ATF6: variants seen among roughly 807,000 people sequenced by gnomAD.
ATF6 encodes cyclic AMP-dependent transcription factor ATF-6 alpha.
Under a neutral mutation model 83.6 loss-of-function variants are expected in ATF6, and 53 were observed. The ratio of observed to expected loss-of-function variants is 0.63; its 90% CI spans 0.51 to 0.80. ATF6 has a LOEUF of 0.80. Ranked by LOEUF, ATF6 falls within the 30% of genes least tolerant of loss-of-function variation. The probability of loss-of-function intolerance (pLI) is 0.00; values close to 1 mark genes in which losing one functional copy is unlikely to be tolerated. For missense variants in ATF6, 744 were observed against 797.9 expected (o/e 0.93, Z 0.81); for synonymous variants, 288 against 285.8 (o/e 1.01, Z -0.08).
chr1:161,908,160 TA>T (rs774670757), intron 14 of ATF6, among the ~76,000 whole-genome samples: 3 of 152,146 alleles, frequency 2.0e-5, no homozygotes, highest in Non-Finnish European at 4.4e-5. Context: ...GTGAGTTTTA[TA>T]GGGGGAATGG....
At chr1:161,812,309 GT>G (rs1470672687) in intron 7 of ATF6, among the ~76,000 whole-genome samples, 2 of 146,922 alleles carry the variant, frequency 1.4e-5, no homozygotes, top group African/African-American at 5.0e-5. Context: ...GTGTGTGTGT[GT>G]GTGTTTTAAT....
At chr1:161,817,404 A>T (rs907231279) in intron 7 of ATF6, among the ~76,000 whole-genome samples, 33 of 152,342 alleles carry the variant, frequency 2.2e-4, no homozygotes, top group African/African-American at 7.5e-4. Flanking sequence ...AACATGAAGA[A>T]CACTAAAAAT....
At chr1:161,927,257 AG>A (rs1323658010) in intron 15 of ATF6, among the ~76,000 whole-genome samples, 1 of 152,200 alleles carries the variant, frequency 6.6e-6, no homozygotes, top group Non-Finnish European at 1.5e-5. Context: ...TCAGACCTTT[AG>A]GTCTGTAGGC....
At chr1:161,847,474 G>T (rs141328235) in intron 10 of ATF6, among the ~76,000 whole-genome samples, 1 of 152,236 alleles carries the variant, frequency 6.6e-6, no homozygotes, top group East Asian at 1.9e-4. Flanking sequence ...AGTACAGTAT[G>T]CCAAGTCAGT....
chr1:161,785,066 A>G (rs980056067), intron 4 of ATF6, among the ~76,000 whole-genome samples: 2 of 152,156 alleles, frequency 1.3e-5, no homozygotes, highest in East Asian at 1.9e-4. Context: ...TTTTCTTGCT[A>G]TCCCCTCCTA....
chr1:161,771,214 C>T (rs939985128), intron 1 of ATF6, among the ~76,000 whole-genome samples: 2 of 151,700 alleles, frequency 1.3e-5, no homozygotes, highest in Non-Finnish European at 2.9e-5. Context: ...TTCCCTCCTC[C>T]TCCTCCTTTC....
At chr1:161,944,552 A>G (rs1277920489) in intron 15 of ATF6, among the ~76,000 whole-genome samples, 1 of 152,118 alleles carries the variant, frequency 6.6e-6, no homozygotes, top group Non-Finnish European at 1.5e-5. Flanking sequence ...CTCTCCTTTT[A>G]TCATCATTAC....
At chr1:161,795,944 C>T (rs1047323276) in intron 6 of ATF6, among the ~76,000 whole-genome samples, 2 of 152,018 alleles carry the variant, frequency 1.3e-5, no homozygotes, top group African/African-American at 4.8e-5. Context: ...TTAGAGTATC[C>T]CTGATTTAGC....
At chr1:161,818,117 A>G (rs931346011) in intron 7 of ATF6, among the ~76,000 whole-genome samples, 18 of 151,346 alleles carry the variant, frequency 1.2e-4, no homozygotes, top group African/African-American at 2.9e-4. Context: ...AAAAAAAAAA[A>G]GGAAATAGAT....
chr1:161,925,642 G>C (rs942858878), intron 15 of ATF6, among the ~76,000 whole-genome samples: 7 of 152,076 alleles, frequency 4.6e-5, no homozygotes, highest in Admixed American at 3.9e-4. Context: ...TTAAGGTTAG[G>C]ACCTTATTTA....
chr1:161,819,089 T>C (rs575971921), intron 7 of ATF6, among the ~76,000 whole-genome samples: 2 of 152,158 alleles, frequency 1.3e-5, no homozygotes, highest in Admixed American at 1.3e-4. Context: ...ACATATTCAA[T>C]GAGTGAATGA....
At chr1:161,951,783 CT>C (rs1688868727) in intron 15 of ATF6, among the ~76,000 whole-genome samples, 1 of 152,146 alleles carries the variant, frequency 6.6e-6, no homozygotes, top group South Asian at 2.1e-4. Context: ...CTTGAGTAAG[CT>C]GCACAAGGGA....
At chr1:161,912,421 T>C (rs749010430) in intron 15 of ATF6, 41 bp downstream of exon 15, 3 of 1,403,278 alleles carry the variant, frequency 2.1e-6, no homozygotes, top group South Asian at 1.3e-5. Flanking sequence ...TGAGATTTCT[T>C]TGTTTAACCA....
chr1:161,857,804 TAAG>T (rs140091486), intron 12 of ATF6, among the ~76,000 whole-genome samples: 21,477 of 151,780 alleles, frequency 0.14, 2,053 homozygotes, highest in East Asian at 0.31. Context: ...TATAAGACAA[TAAG>T]AACACAAGGG....
At chr1:161,886,740 C>T (rs970116149) in intron 14 of ATF6, among the ~76,000 whole-genome samples, 4 of 152,172 alleles carry the variant, frequency 2.6e-5, no homozygotes, top group African/African-American at 7.2e-5. Context: ...TTTACAACTA[C>T]AAAGTGAAGC....
intron 15 of ATF6, among the ~76,000 whole-genome samples, chr1:161,946,434 C>T (rs1404692825): frequency 2.0e-5 from 3 of 152,162 alleles, no homozygotes; most frequent in African/African-American, 7.2e-5. Flanking sequence ...GTATCAGTGC[C>T]ACCTATTAGG....
intron 1 of ATF6, among the ~76,000 whole-genome samples, chr1:161,772,501 A>T (rs1358451602): frequency 6.6e-6 from 1 of 152,036 alleles, no homozygotes; most frequent in East Asian, 1.9e-4. Context: ...CCACTACCTC[A>T]TTTACCCACC....
At chr1:161,846,389 A>G (rs1385174798) in intron 9 of ATF6, 60 bp from the exon 10 acceptor site, 16 of 1,522,632 alleles carry the variant, frequency 1.1e-5, no homozygotes, top group Non-Finnish European at 1.3e-5. Flanking sequence ...AGCTGCATGT[A>G]GCAGGCATAT....
chr1:161,824,824 G>A (rs1263403587), intron 9 of ATF6, among the ~76,000 whole-genome samples: 1 of 152,126 alleles, frequency 6.6e-6, no homozygotes, highest in African/African-American at 2.4e-5. Flanking sequence ...CAGGTACTGA[G>A]CAAGGAATCA....
Sources: allele counts gnomAD v4.1 joint callset (sites outside exome capture counted in the v4.1 genomes callset), GRCh38; gene constraint gnomAD v4.1.1; transcripts MANE v1.5; gene names NCBI Gene and HGNC (gene_info 2026-07-23, HGNC 2026-07-21).